The following UNC5D variants were observed in gnomAD, a reference collection of about 807,000 sequenced individuals.
UNC5D encodes unc-5 netrin receptor D, also known as netrin receptor UNC5D.
In UNC5D, 39 loss-of-function variants were observed where a neutral mutation model predicts 105.4. That is an observed-to-expected ratio of 0.37 (90% confidence interval 0.29 to 0.48). The LOEUF (loss-of-function observed/expected upper bound fraction) is 0.48. Ranked by LOEUF, UNC5D falls within the 20% of genes least tolerant of loss-of-function variation. The probability of loss-of-function intolerance (pLI) is 0.98; values close to 1 mark genes in which losing one functional copy is unlikely to be tolerated. For missense variants in UNC5D, 991 were observed against 1,202.4 expected (o/e 0.82, Z 2.60); for synonymous variants, 452 against 450.4 (o/e 1.00, Z -0.04).
At chr8:35,663,788 A>G (rs1001042849) in intron 4 of UNC5D, among the ~76,000 whole-genome samples, 1 of 152,200 alleles carries the variant, frequency 6.6e-6, no homozygotes, top group Non-Finnish European at 1.5e-5. Flanking sequence ...AAAATGATTA[A>G]AGGAAGTATG....
At chr8:35,253,324 T>C (rs1344403437) in intron 1 of UNC5D, among the ~76,000 whole-genome samples, 1 of 152,060 alleles carries the variant, frequency 6.6e-6, no homozygotes, top group Non-Finnish European at 1.5e-5. Context: ...GGGTCATGCT[T>C]AGGAAATTCT....
chr8:35,634,999 C>T (rs887833609), intron 4 of UNC5D, among the ~76,000 whole-genome samples: 5 of 152,116 alleles, frequency 3.3e-5, no homozygotes, highest in African/African-American at 4.8e-5. Flanking sequence ...CTCCTGACCT[C>T]AGGCGATCCA....
At chr8:35,569,411 T>A (rs1817574680) in intron 3 of UNC5D, among the ~76,000 whole-genome samples, 1 of 152,206 alleles carries the variant, frequency 6.6e-6, no homozygotes, top group Non-Finnish European at 1.5e-5. Context: ...CAGATGTTGA[T>A]GGTTTAGAGA....
At chr8:35,287,346 C>T (rs1806673975) in intron 1 of UNC5D, among the ~76,000 whole-genome samples, 2 of 151,688 alleles carry the variant, frequency 1.3e-5, no homozygotes. Context: ...CAGGGAACTA[C>T]AAGAAAATAC....
At chr8:35,299,911 A>G (rs867899767) in intron 1 of UNC5D, among the ~76,000 whole-genome samples, 4 of 152,332 alleles carry the variant, frequency 2.6e-5, no homozygotes, top group South Asian at 2.1e-4. Context: ...GTAAAGTGGA[A>G]AGGCAAAGTG....
chr8:35,358,626 C>T (rs1801689076), intron 1 of UNC5D, among the ~76,000 whole-genome samples: 1 of 152,154 alleles, frequency 6.6e-6, no homozygotes, highest in Admixed American at 6.6e-5. Flanking sequence ...ACATATCCTG[C>T]ACATGTACCC....
chr8:35,421,106 C>T (rs1031601423), intron 1 of UNC5D, among the ~76,000 whole-genome samples: 2 of 152,160 alleles, frequency 1.3e-5, no homozygotes, highest in Non-Finnish European at 1.5e-5. Context: ...CTCTTCTGTG[C>T]CCATATCAAG....
At chr8:35,348,254 T>C (rs1563333174) in intron 1 of UNC5D, among the ~76,000 whole-genome samples, 1 of 152,038 alleles carries the variant, frequency 6.6e-6, no homozygotes, top group East Asian at 1.9e-4. Flanking sequence ...TATATTAGTC[T>C]GTAATTTGCC....
chr8:35,638,431 A>AT (rs1280026664), intron 4 of UNC5D, among the ~76,000 whole-genome samples: 1 of 151,960 alleles, frequency 6.6e-6, no homozygotes, highest in African/African-American at 2.4e-5. Flanking sequence ...TATGATCTAT[A>AT]TTTTTCAATT....
At chr8:35,381,041 GAA>G (rs1447083977) in intron 1 of UNC5D, among the ~76,000 whole-genome samples, 2 of 151,956 alleles carry the variant, frequency 1.3e-5, no homozygotes, top group African/African-American at 2.4e-5. Flanking sequence ...GGGAGAGAGA[GAA>G]AGAGAGAGAG....
Position 35,394,075 on chromosome 8 carries a change from T to A in UNC5D, c.104-155217T>A, listed in dbSNP as rs887453926. Among the ~76,000 whole-genome samples the A allele has an allele frequency of 3.9e-5, 6 of 152,104 alleles. 1 individual carries two copies. In the East Asian group the frequency reaches 1.2e-3, roughly 29 times the overall value. On this transcript the variant is annotated intron_variant, in intron 1 of 16. Transcript: ENST00000404895. ...CTCTTCTTGACCCTAGGAGTTTACATGACGTGTATTTCAGGCAAACCACTT... is the reference window on the plus strand; with the variant it reads ...CTCTTCTTGACCCTAGGAGTTTACAAGACGTGTATTTCAGGCAAACCACTT...
At chr8:35,576,879 C>A (rs1818129191) in intron 3 of UNC5D, among the ~76,000 whole-genome samples, 1 of 152,100 alleles carries the variant, frequency 6.6e-6, no homozygotes, top group Non-Finnish European at 1.5e-5. Context: ...TCCCAAAGTG[C>A]TAGGATTACA....
chr8:35,766,625 C>T (rs1021121961), intron 14 of UNC5D, among the ~76,000 whole-genome samples: 4 of 152,188 alleles, frequency 2.6e-5, no homozygotes, highest in Non-Finnish European at 5.9e-5. Flanking sequence ...AATTGTGTGT[C>T]ACCAAGTGAA....
In UNC5D at chr8:35,791,851, C is replaced by T. The variant is rs1296900202; in HGVS notation, c.*1288C>T. 1 of 151,928 alleles carries T rather than the reference C, an allele frequency of 6.6e-6. No individual in the cohort carries two copies. Among genetic ancestry groups the T allele is most frequent in the Non-Finnish European group, 1.5e-5 (1 of 67,990 alleles). 9.4% of individuals were successfully genotyped at this position (151,928 alleles called of 1,614,324 possible). A position where few individuals can be genotyped will look rare whatever the true frequency, so the allele number is the denominator to read the frequency against. On this transcript the variant is annotated 3_prime_UTR_variant, in exon 17 of 17. Coordinates refer to ENST00000404895, the MANE Select transcript of UNC5D (RefSeq NM_080872.4). The stretch of plus-strand genomic sequence containing the variant: ...TGATTTTTTTTTTTACATTAGGAGG[C>T]AGTGATATTGTGGAAGATTGAAATC...
intron 1 of UNC5D, among the ~76,000 whole-genome samples, chr8:35,374,076 G>GA (rs1226870145): frequency 3.9e-5 from 6 of 152,186 alleles, no homozygotes; most frequent in Non-Finnish European, 5.9e-5. Flanking sequence ...GGTTTTCGTG[G>GA]TGACATACTG....
chr8:35,688,326 G>A (rs1826163969), intron 7 of UNC5D, among the ~76,000 whole-genome samples: 1 of 151,960 alleles, frequency 6.6e-6, no homozygotes, highest in Non-Finnish European at 1.5e-5. Flanking sequence ...GAAGATGACA[G>A]TATGTAGGAA....
At position 35,793,040 on chromosome 8, in the gene UNC5D, GTTAAC is replaced by G. The variant is rs1563769834; in HGVS notation, c.*2482_*2486del. 6.6e-6 allele frequency: 3 copies of G among 454,384 alleles called. No individual in the cohort carries two copies. Among genetic ancestry groups the G allele is most frequent in the South Asian group, 1.6e-5 (1 of 63,964 alleles). 28.1% of individuals were successfully genotyped at this position (454,384 alleles called of 1,614,324 possible). On this transcript the variant is annotated 3_prime_UTR_variant, in exon 17 of 17. Coordinates refer to ENST00000404895, the MANE Select transcript of UNC5D (RefSeq NM_080872.4). Reference sequence around the variant, plus strand: ...ATCATATAGGATAACAAAGGAGGAAGTTAACTTAATTCACCTCAGACTTCAGCCTA... The same window carrying G: ...ATCATATAGGATAACAAAGGAGGAAGTTAATTCACCTCAGACTTCAGCCTA...
chr8:35,471,287 T>C (rs1011313970), intron 1 of UNC5D, among the ~76,000 whole-genome samples: 18 of 152,152 alleles, frequency 1.2e-4, no homozygotes, highest in Non-Finnish European at 2.4e-4. Context: ...TGAATATCAC[T>C]ATTGACTTAC....
chr8:35,307,931 T>G (rs1487188528), intron 1 of UNC5D, among the ~76,000 whole-genome samples: 2 of 152,150 alleles, frequency 1.3e-5, no homozygotes, highest in East Asian at 3.9e-4. Flanking sequence ...CCCTAATTAT[T>G]GGCATATGTG....
Sources: allele counts gnomAD v4.1 joint callset (sites outside exome capture counted in the v4.1 genomes callset), GRCh38; gene constraint gnomAD v4.1.1; transcripts MANE v1.5; gene names NCBI Gene and HGNC (gene_info 2026-07-23, HGNC 2026-07-21).